The following WNT7A variants were observed in gnomAD, a reference collection of about 807,000 sequenced individuals.
The protein encoded by WNT7A is Wnt family member 7A.
A neutral mutation model predicts 28.2 loss-of-function variants in WNT7A; 16 were observed. That is an observed-to-expected ratio of 0.57 (90% CI 0.38 to 0.86). WNT7A has a LOEUF of 0.86. Ranked by LOEUF, WNT7A falls within the 40% of genes least tolerant of loss-of-function variation. WNT7A has a pLI of 0.00. For synonymous variants in WNT7A, 190 were observed against 195.9 expected (o/e 0.97, Z 0.25); for missense variants, 411 against 489.7 (o/e 0.84, Z 1.52).
intron 3 of WNT7A, among the ~76,000 whole-genome samples, chr3:13,851,038 C>T (rs1003774803): frequency 1.3e-5 from 2 of 152,112 alleles, no homozygotes; most frequent in Non-Finnish European, 2.9e-5. Flanking sequence ...CCATGGCTTC[C>T]ATTACGACCC....
Position 13,875,177 on chromosome 3 carries a change from G to T in WNT7A, c.72-4C>A. On this transcript the variant is annotated splice_region_variant and splice_polypyrimidine_tract_variant and intron_variant, in intron 1 of 3. Coordinates refer to ENST00000285018, the MANE Select transcript of WNT7A (RefSeq NM_004625.4). ...AGCTACCACTGAGGAGAAGCCACTG[G>T]AGGGAGAGACACAGAGAGATGGAGC... 6.2e-7 allele frequency: 1 copy of T among 1,613,952 alleles called. No individual in the cohort carries two copies. The highest frequency in any genetic ancestry group is 8.5e-7 in the Non-Finnish European group (1 of 1,179,978).
chr3:13,847,474 A>G lies in WNT7A; in HGVS notation c.570+7058T>C, dbSNP rs536580376. On this transcript the variant is annotated intron_variant, in intron 3 of 3. Coordinates refer to ENST00000285018, the MANE Select transcript of WNT7A (RefSeq NM_004625.4). ...AGTTCAGGGTCTCAGTCTCTCATTG[A>G]TTAAATGCCCACAGAAGAGAGAATC... 8.5e-5 allele frequency among the ~76,000 whole-genome samples: 13 copies of G among 152,264 alleles called. No individual in the cohort carries two copies. The East Asian group carries it at 2.5e-3, about 29-fold the overall frequency.
chr3:13,832,134 C>T (rs1429155916), intron 3 of WNT7A, among the ~76,000 whole-genome samples: 1 of 150,694 alleles, frequency 6.6e-6, no homozygotes, highest in Non-Finnish European at 1.5e-5. Context: ...CCCCCTCTTC[C>T]TCCTCCTCAG....
intron 2 of WNT7A, among the ~76,000 whole-genome samples, chr3:13,862,621 A>G (rs139405143): frequency 0.021 from 3,238 of 152,350 alleles, 55 homozygotes; most frequent in Middle Eastern, 0.034. Flanking sequence ...AAGAGGAACC[A>G]GGGAGCCTCT....
intron 2 of WNT7A, among the ~76,000 whole-genome samples, chr3:13,864,691 G>T (rs886299601): frequency 2.0e-5 from 3 of 152,168 alleles, no homozygotes; most frequent in Non-Finnish European, 2.9e-5. Flanking sequence ...CATACAAGTG[G>T]GGGAGTCTTA....
At chr3:13,834,287 TAG>T in intron 3 of WNT7A, among the ~76,000 whole-genome samples, 1 of 152,132 alleles carries the variant, frequency 6.6e-6, no homozygotes, top group African/African-American at 2.4e-5. Flanking sequence ...ACAAGCTGTC[TAG>T]GGTTTTCCTT....
intron 2 of WNT7A, among the ~76,000 whole-genome samples, chr3:13,857,006 A>G (rs535952137): frequency 1.3e-5 from 2 of 150,354 alleles, no homozygotes; most frequent in South Asian, 4.3e-4. Flanking sequence ...AAGAAGAAGA[A>G]GGAAGAAAAC....
intron 2 of WNT7A, among the ~76,000 whole-genome samples, chr3:13,856,987 G>GAGAAGAAGAAGAAGAAGGAGAAGAAGA (rs1694756009): frequency 1.4e-5 from 1 of 71,598 alleles, no homozygotes; most frequent in Admixed American, 1.5e-4. Context: ...GAAGAAGAAG[G>GAGAAGAAGAAGAAGAAGGAGAAGAAGA]AGAAGAAGAA....
intron 2 of WNT7A, among the ~76,000 whole-genome samples, chr3:13,856,068 C>T (rs997958726): frequency 2.0e-5 from 3 of 150,804 alleles, no homozygotes; most frequent in Admixed American, 6.6e-5. Flanking sequence ...CCCACCCCAT[C>T]GCTGCCCTCC....
At chr3:13,823,188 C>T (rs1206426555) in intron 3 of WNT7A, among the ~76,000 whole-genome samples, 2 of 152,208 alleles carry the variant, frequency 1.3e-5, no homozygotes, top group Non-Finnish European at 2.9e-5. Context: ...GACAAAGCTG[C>T]ACTCTGCACC....
intron 3 of WNT7A, among the ~76,000 whole-genome samples, chr3:13,830,549 T>C (rs920398130): frequency 1.3e-5 from 2 of 152,098 alleles, no homozygotes; most frequent in African/African-American, 2.4e-5. Flanking sequence ...CTGAGCTGTG[T>C]CCCTCCTTGC....
chr3:13,869,071 TGAGA>T (rs983765282), intron 2 of WNT7A, among the ~76,000 whole-genome samples: 2 of 72,810 alleles, frequency 2.7e-5, no homozygotes, highest in African/African-American at 5.5e-5. Flanking sequence ...AGAAAGCAAG[TGAGA>T]GAGAGAAAGA....
rs199978296 is a variant in WNT7A at position 13,858,942 on chromosome 3, G to T, written c.299-4139C>A. 4.6e-5 allele frequency among the ~76,000 whole-genome samples: 7 copies of T among 152,324 alleles called. No homozygotes were observed. The East Asian group carries it at 1.4e-3, about 29-fold the overall frequency. ...AGCTGGCTGTGTGACTAACGTCAGGGCTGTTAACCTCTTTGACCCTTCGTT... is the reference window on the plus strand; with the variant it reads ...AGCTGGCTGTGTGACTAACGTCAGGTCTGTTAACCTCTTTGACCCTTCGTT... On this transcript the variant is annotated intron_variant, in intron 2 of 3. Coordinates refer to ENST00000285018, the MANE Select transcript of WNT7A (RefSeq NM_004625.4).
chr3:13,835,072 A>C (rs942112303), intron 3 of WNT7A, among the ~76,000 whole-genome samples: 4 of 152,220 alleles, frequency 2.6e-5, no homozygotes, highest in Non-Finnish European at 5.9e-5. Context: ...AAGGGAGGAA[A>C]GGGCAGGCTA....
At position 13,870,518 on chromosome 3, in the gene WNT7A, C is replaced by G. The variant is rs531016706; in HGVS notation, c.298+4429G>C. ...GACAGCCCTAGCAGACTAGTACACT[C>G]GTGAGCAGTTCCTCTCCCCTGAGAG... On this transcript the variant is annotated intron_variant, in intron 2 of 3. Transcript: ENST00000285018. Among the ~76,000 whole-genome samples the G allele has an allele frequency of 7.9e-5, 12 of 152,332 alleles. No homozygotes were observed. The East Asian group carries it at 2.3e-3, about 29-fold the overall frequency.
chr3:13,859,168 G>C (rs772642552), intron 2 of WNT7A, among the ~76,000 whole-genome samples: 1 of 152,216 alleles, frequency 6.6e-6, no homozygotes, highest in Non-Finnish European at 1.5e-5. Context: ...GGTCACAGCA[G>C]AGAGGCAAGT....
intron 2 of WNT7A, among the ~76,000 whole-genome samples, chr3:13,855,698 C>G (rs1408665963): frequency 1.3e-5 from 2 of 152,176 alleles, no homozygotes; most frequent in South Asian, 2.1e-4. Flanking sequence ...AGGGCTACGT[C>G]TGCTTTACAG....
chr3:13,861,976 A>G (rs539935392), intron 2 of WNT7A, among the ~76,000 whole-genome samples: 37 of 152,290 alleles, frequency 2.4e-4, no homozygotes, highest in African/African-American at 8.7e-4. Context: ...CCCTCCTGTG[A>G]TATCCCAGGT....
rs566830362 is a variant in WNT7A at position 13,854,671 on chromosome 3, T to A, written c.431A>T (p.Asp144Val). The A allele has an allele frequency of 1.8e-5, 29 of 1,614,148 alleles. 1 individual carries two copies. The South Asian group carries it at 2.5e-4, about 14-fold the overall frequency. Residue 144 changes from aspartate (D) to valine (V), a missense_variant, in exon 3 of 4, where the codon GAC becomes GTC. Transcript: ENST00000285018. ...DKEKQGQYHR[D>V]EGWKWGGCSA... ...GCAGCCACCCCACTTCCAGCCCTCG[T>A]CCCGGTGGTACTGGCCTTGCTTCTC...
Sources: allele counts gnomAD v4.1 joint callset (sites outside exome capture counted in the v4.1 genomes callset), GRCh38; gene constraint gnomAD v4.1.1; transcripts MANE v1.5; gene names NCBI Gene and HGNC (gene_info 2026-07-23, HGNC 2026-07-21).